The following PANK3 variants were observed in gnomAD, a reference collection of about 807,000 sequenced individuals.
PANK3 encodes the protein hPanK3.
PANK3 carries 20 observed loss-of-function variants against 39.4 expected under a neutral mutation model. The observed-to-expected ratio is 0.51, with a 90% CI of 0.36 to 0.74. The LOEUF (loss-of-function observed/expected upper bound fraction) is 0.74, where lower values mean the gene tolerates loss of function less well. Among genes scored for constraint, PANK3 ranks in the 30% least tolerant of loss-of-function variants. PANK3 has a pLI of 0.00. For synonymous variants in PANK3, 140 were observed against 157.3 expected, an observed-to-expected ratio of 0.89 and a Z score of 0.82; for missense variants, 265 against 437.0, an observed-to-expected ratio of 0.61 and a Z score of 3.51.
At chr5:168,572,623 G>T (rs1759659253) in intron 1 of PANK3, among the ~76,000 whole-genome samples, 1 of 152,202 alleles carries the variant, frequency 6.6e-6, no homozygotes, top group South Asian at 2.1e-4. Flanking sequence ...TCACAATGGT[G>T]GTATGTCATC....
intron 1 of PANK3, among the ~76,000 whole-genome samples, chr5:168,577,169 G>A (rs139936512): frequency 4.3e-4 from 66 of 152,158 alleles, no homozygotes; most frequent in African/African-American, 1.4e-3. Flanking sequence ...GTAAACCACC[G>A]TGTCCAGCCT....
At chr5:168,579,131 C>T (rs1212636385) in intron 1 of PANK3, 125 bp downstream of exon 1, 1 of 810,432 alleles carries the variant, frequency 1.2e-6, no homozygotes. Context: ...GGTCCCTCCG[C>T]CCCCATACCG....
chr5:168,564,531 T>G (rs938844807), intron 3 of PANK3, among the ~76,000 whole-genome samples: 2 of 152,150 alleles, frequency 1.3e-5, no homozygotes, highest in African/African-American at 4.8e-5. Context: ...ACTCCTGGGC[T>G]CAAGCAATCT....
chr5:168,571,886 A>G (rs1464705153), intron 1 of PANK3, among the ~76,000 whole-genome samples: 5 of 152,180 alleles, frequency 3.3e-5, no homozygotes, highest in African/African-American at 4.8e-5. Context: ...TAATCTTAAG[A>G]AACAGTATTC....
chr5:168,569,455 G>A (rs1236078603), intron 1 of PANK3, among the ~76,000 whole-genome samples: 6 of 151,788 alleles, frequency 4.0e-5, no homozygotes, highest in Admixed American at 3.9e-4. Context: ...GCCTCCCAAA[G>A]TGCTGGGATT....
In PANK3 at chr5:168,553,327, C is replaced by A. The variant is rs1759301158; in HGVS notation, c.*4244G>T. On this transcript the variant is annotated 3_prime_UTR_variant, in exon 7 of 7. Coordinates refer to ENST00000239231, the MANE Select transcript of PANK3 (RefSeq NM_024594.4). ...GGGCACAAAACTTGTGCAGAGTCCG[C>A]ATTACAAGCCAGTAATCTAGTGGCC... 2 of 522,720 alleles carry A rather than the reference C, an allele frequency of 3.8e-6. No individual in the cohort carries two copies. Among genetic ancestry groups the A allele is most frequent in the South Asian group, 2.9e-5 (2 of 68,242 alleles). The allele number at this position is 522,720 out of a possible 1,614,324, so 32.4% of individuals were successfully genotyped here. A position where few individuals can be genotyped will look rare whatever the true frequency, so the allele number is the denominator to read the frequency against.
At position 168,556,993 on chromosome 5, in the gene PANK3, T is replaced by C. The variant is rs1217950381; in HGVS notation, c.*578A>G. On this transcript the variant is annotated 3_prime_UTR_variant, in exon 7 of 7. Transcript: ENST00000239231. Reference sequence around the variant, plus strand: ...TGAAAATTTAATAATAGTATTTCAGTTAATTATGGCATTTGAGAAAAAGAT... The same window carrying C: ...TGAAAATTTAATAATAGTATTTCAGCTAATTATGGCATTTGAGAAAAAGAT... The C allele has an allele frequency of 6.6e-6, 1 of 152,646 alleles. No individual in the cohort carries two copies. Among genetic ancestry groups the C allele is most frequent in the Non-Finnish European group, 1.5e-5 (1 of 68,052 alleles). 9.5% of individuals were successfully genotyped at this position (152,646 alleles called of 1,614,324 possible).
Position 168,550,973 on chromosome 5 carries a change from T to C in PANK3, c.*6598A>G, listed in dbSNP as rs545709735. The C allele has an allele frequency of 6.6e-6, 1 of 152,312 alleles. No individual in the cohort carries two copies. Among genetic ancestry groups the C allele is most frequent in the South Asian group, 2.1e-4 (1 of 4,828 alleles). The allele number at this position is 152,312 out of a possible 1,614,324, so 9.4% of individuals were successfully genotyped here. A position where few individuals can be genotyped will look rare whatever the true frequency, so the allele number is the denominator to read the frequency against. On this transcript the variant is annotated 3_prime_UTR_variant, in exon 7 of 7. Coordinates refer to ENST00000239231, the MANE Select transcript of PANK3 (RefSeq NM_024594.4). ...AGTAGTGACTGCTTTGAGAAAACAT[T>C]TGAATTTTTTGGAAGTGGAAATTAA...
At chr5:168,560,494 C>T (rs11952767) in intron 5 of PANK3, among the ~76,000 whole-genome samples, 5,023 of 152,274 alleles carry the variant, frequency 0.033, 249 homozygotes, top group African/African-American at 0.11. Flanking sequence ...AAAAATAGCA[C>T]TTATCACCTA....
rs532389415 is a variant in PANK3, at chr5:168,553,251, A to G, written c.*4320T>C. On this transcript the variant is annotated 3_prime_UTR_variant, in exon 7 of 7. Coordinates refer to ENST00000239231, the MANE Select transcript of PANK3 (RefSeq NM_024594.4). Reference sequence around the variant, plus strand: ...TACCAACGACGTCCAGCTGGTTGAGAGCACTAAAGGTACCCCAAAGGGGAG... The same window carrying G: ...TACCAACGACGTCCAGCTGGTTGAGGGCACTAAAGGTACCCCAAAGGGGAG... 2 of 516,232 alleles carry G rather than the reference A, an allele frequency of 3.9e-6. No individual in the cohort carries two copies. The highest frequency in any genetic ancestry group is 2.9e-5 in the South Asian group (2 of 68,794). 32.0% of individuals were successfully genotyped at this position (516,232 alleles called of 1,614,324 possible).
In PANK3 at chr5:168,553,713, A is replaced by C. The variant is rs1176080139; in HGVS notation, c.*3858T>G. 6.4e-6 allele frequency: 1 copy of C among 155,834 alleles called. No homozygotes were observed. The highest frequency in any genetic ancestry group is 1.4e-5 in the Non-Finnish European group (1 of 70,458). The allele number at this position is 155,834 out of a possible 1,614,324, so 9.7% of individuals were successfully genotyped here. ...TCTAATTCTTTTCAAATATTCAAGA[A>C]GAGCTAGGAGTGGGATTCCAGAGAC... is the stretch of plus-strand genomic sequence containing the variant. On this transcript the variant is annotated 3_prime_UTR_variant, in exon 7 of 7. Coordinates refer to ENST00000239231, the MANE Select transcript of PANK3 (RefSeq NM_024594.4).
intron 2 of PANK3, 56 bp downstream of exon 2, chr5:168,568,590 T>A: frequency 7.9e-7 from 1 of 1,262,352 alleles, no homozygotes; most frequent in Non-Finnish European, 1.1e-6. Flanking sequence ...GATGGAAACC[T>A]ACTCTCATAT....
In PANK3 at chr5:168,566,130, T is replaced by C. The variant is rs1347874315; in HGVS notation, c.518A>G (p.Gln173Arg). ...ATCATCCAGGTTAAAAGGCATCTTT[T>C]GGCATCGCTCAGGTTCTGAGGCATT... ...FANASEPERC[Q>R]KMPFNLDDPY... is the part of the protein sequence containing the mutation. The change falls in exon 3 of 7, where the codon CAA becomes CGA. Residue 173 changes from glutamine (Q) to arginine (R), a missense_variant. By Grantham distance (43) the Gln-to-Arg change is conservative. Around this residue, in one of 3 missense-constraint regions of PANK3, gnomAD observed 154 missense variants for 256.8 expected, o/e 0.60. Coordinates refer to ENST00000239231, the MANE Select transcript of PANK3 (RefSeq NM_024594.4). 3.1e-6 allele frequency: 5 copies of C among 1,613,970 alleles called. No homozygotes were observed. The South Asian group carries it at 3.3e-5, about 11-fold the overall frequency.
intron 1 of PANK3, among the ~76,000 whole-genome samples, chr5:168,578,238 T>A (rs972398938): frequency 1.3e-5 from 2 of 152,198 alleles, no homozygotes; most frequent in Non-Finnish European, 2.9e-5. Flanking sequence ...TACCTTACAG[T>A]TATATAGGAA....
At chr5:168,565,457 T>C (rs932969094) in intron 3 of PANK3, among the ~76,000 whole-genome samples, 2 of 152,158 alleles carry the variant, frequency 1.3e-5, no homozygotes, top group African/African-American at 4.8e-5. Flanking sequence ...AGGGTTTACA[T>C]ATATTAATAT....
Position 168,561,492 on chromosome 5 carries a change from C to T in PANK3, c.837G>A (p.Glu279=). 1 of 1,586,352 alleles carries T rather than the reference C, an allele frequency of 6.3e-7. No homozygotes were observed. Among genetic ancestry groups the T allele is most frequent in the Non-Finnish European group, 8.6e-7 (1 of 1,166,904 alleles). Residue 279 remains glutamate, a synonymous_variant, in exon 5 of 7, where the codon GAG becomes GAA. Transcript: ENST00000239231. ...ASSFGNMIYK[E]KRESVSKEDL... ...CTTCTTTACTAACAGATTCTCGCTT[C>T]TCCTTATAAATCATATTCCCAAAAC... is the stretch of plus-strand genomic sequence containing the variant.
chr5:168,558,848 A>T (rs1759396607), intron 6 of PANK3, among the ~76,000 whole-genome samples, 184 bp downstream of exon 6: 1 of 152,160 alleles, frequency 6.6e-6, no homozygotes, highest in African/African-American at 2.4e-5. Context: ...TTCTGGGCAC[A>T]GTGGTGCATA....
intron 1 of PANK3, among the ~76,000 whole-genome samples, chr5:168,574,982 A>G (rs1410756928): frequency 6.6e-6 from 1 of 152,192 alleles, no homozygotes; most frequent in East Asian, 1.9e-4. Context: ...CAAGCAGCCT[A>G]CTTACGGCAT....
At chr5:168,562,330 C>A (rs1311885773) in intron 4 of PANK3, among the ~76,000 whole-genome samples, 1 of 151,826 alleles carries the variant, frequency 6.6e-6, no homozygotes, top group African/African-American at 2.4e-5. Context: ...AGCAAAAGGA[C>A]CAGAAAAAGC....
Sources: gnomAD v4.1 joint callset for allele counts (sites outside exome capture counted in the v4.1 genomes callset) on GRCh38, gnomAD v4.1.1 for gene constraint, gnomAD v4.1.1 regional missense constraint, MANE v1.5 for transcripts, NCBI Gene and HGNC (gene_info 2026-07-23, HGNC 2026-07-21) for gene names.